The following SHANK2 variants were observed in gnomAD, a reference collection of about 807,000 sequenced individuals.
SHANK2 encodes SH3 and multiple ankyrin repeat domains protein 2.
In SHANK2, 43 loss-of-function variants were observed where a neutral mutation model predicts 133.7. The observed-to-expected ratio is 0.32, with a 90% CI of 0.25 to 0.41. The LOEUF is 0.41. SHANK2 is among the 10% of genes least tolerant of loss of function. The pLI, the probability that SHANK2 is intolerant of heterozygous loss-of-function variation, is 1.00. For missense variants in SHANK2, 1,994 were observed against 2,235.8 expected (o/e 0.89, Z 2.18); for synonymous variants, 1,017 against 952.8 (o/e 1.07, Z -1.24).
chr11:70,801,142 A>C (rs1275227646), intron 13 of SHANK2, among the ~76,000 whole-genome samples: 1 of 152,168 alleles, frequency 6.6e-6, no homozygotes, highest in Non-Finnish European at 1.5e-5. Context: ...CTCCTGCCTG[A>C]CTTTCCTTCC....
intron 14 of SHANK2, among the ~76,000 whole-genome samples, chr11:70,742,079 A>T (rs578091614): frequency 6.6e-6 from 1 of 152,306 alleles, no homozygotes; most frequent in South Asian, 2.1e-4. Context: ...AAGGCAAAAC[A>T]TTAGATACAC....
chr11:71,214,755 G>A (rs1351265349), intron 2 of SHANK2, among the ~76,000 whole-genome samples: 2 of 152,128 alleles, frequency 1.3e-5, no homozygotes, highest in Admixed American at 6.5e-5. Context: ...GTGGGGTATC[G>A]CGCAGTTCTG....
chr11:70,849,794 T>A (rs1251784417), intron 11 of SHANK2, among the ~76,000 whole-genome samples: 2 of 152,150 alleles, frequency 1.3e-5, no homozygotes, highest in Non-Finnish European at 2.9e-5. Flanking sequence ...GGGTCCATGA[T>A]CTCCCTACGT....
rs2058598356 is a variant in SHANK2 at position 70,471,534 on chromosome 11, C to T, written c.*1335G>A. 2.5e-6 allele frequency: 1 copy of T among 397,526 alleles called. No homozygotes were observed. Among genetic ancestry groups the T allele is most frequent in the Middle Eastern group, 6.3e-4 (1 of 1,586 alleles). The allele number at this position is 397,526 out of a possible 1,614,324, so 24.6% of individuals were successfully genotyped here. On this transcript the variant is annotated 3_prime_UTR_variant, in exon 26 of 26. Coordinates refer to ENST00000601538, the MANE Select transcript of SHANK2 (RefSeq NM_012309.5). The surrounding 1 kb of genome is among the most constrained non-coding windows in gnomAD (Gnocchi z 4.1). ...GAGGCTGACCTGGCAGCCCAGGAGA[C>T]CTCCCTGCTTTCCTCTCCTCACGCC...
chr11:70,854,833 C>G (rs1555066520), intron 11 of SHANK2, among the ~76,000 whole-genome samples: 1 of 152,242 alleles, frequency 6.6e-6, no homozygotes, highest in East Asian at 1.9e-4. Flanking sequence ...GGGTCCTGGA[C>G]AAGCCCTCTG....
chr11:70,785,643 CTCT>C (rs776182173), intron 14 of SHANK2, among the ~76,000 whole-genome samples: 38 of 152,186 alleles, frequency 2.5e-4, no homozygotes, highest in Non-Finnish European at 4.3e-4. Flanking sequence ...GAAGGGAGGT[CTCT>C]AGAGGGTGTT....
Position 71,075,719 on chromosome 11 carries a change from C to T in SHANK2, c.913-444G>A, listed in dbSNP as rs964749509. 2.6e-3 allele frequency among the ~76,000 whole-genome samples: 400 copies of T among 152,322 alleles called. 4 individuals carry two copies. The highest frequency in any genetic ancestry group is 8.8e-3 in the African/African-American group (366 of 41,570). The stretch of plus-strand genomic sequence containing the variant: ...GGCAGCACAAAATGGCCAGGAGAGG[C>T]CTTCACAGCCCTGCACTGCATCCAC... On this transcript the variant is annotated intron_variant, in intron 8 of 25. Transcript: ENST00000601538.
chr11:71,227,163 C>G (rs964995011), intron 1 of SHANK2, among the ~76,000 whole-genome samples: 5 of 151,696 alleles, frequency 3.3e-5, no homozygotes, highest in African/African-American at 1.2e-4. Flanking sequence ...TTCAAATAAC[C>G]CACAAGAAGG....
intron 3 of SHANK2, among the ~76,000 whole-genome samples, chr11:71,142,545 A>G (rs1303867626): frequency 6.6e-6 from 1 of 152,160 alleles, no homozygotes; most frequent in Non-Finnish European, 1.5e-5. Context: ...AAACAAGCAG[A>G]AAAATGCCAA....
intron 15 of SHANK2, among the ~76,000 whole-genome samples, chr11:70,696,188 G>A (rs1237250599): frequency 6.6e-6 from 1 of 152,144 alleles, no homozygotes; most frequent in African/African-American, 2.4e-5. Context: ...ACTACCTCCT[G>A]AGGCAGCCTG....
intron 4 of SHANK2, among the ~76,000 whole-genome samples, chr11:71,115,354 A>G (rs895841253): frequency 2.6e-5 from 4 of 152,110 alleles, no homozygotes; most frequent in Non-Finnish European, 5.9e-5. Context: ...CTGTAATCCT[A>G]GCTATTCAGG....
At chr11:70,640,543 A>G (rs187241609) in intron 17 of SHANK2, among the ~76,000 whole-genome samples, 2 of 152,352 alleles carry the variant, frequency 1.3e-5, no homozygotes, top group Admixed American at 1.3e-4. Context: ...GTCATTTGTG[A>G]CAGCGGCCTC....
intron 15 of SHANK2, among the ~76,000 whole-genome samples, chr11:70,678,838 G>T (rs2134372019): frequency 6.6e-6 from 1 of 152,272 alleles, no homozygotes; most frequent in South Asian, 2.1e-4. Flanking sequence ...ACTGCGCCCA[G>T]CCCAGAACTG....
At chr11:70,795,822 C>T (rs1947897897) in intron 14 of SHANK2, among the ~76,000 whole-genome samples, 1 of 152,194 alleles carries the variant, frequency 6.6e-6, no homozygotes, top group Admixed American at 6.5e-5. Flanking sequence ...AGGAAGGGGC[C>T]ATGAGCCAAG....
rs528520629 is a variant in SHANK2 at position 71,116,457 on chromosome 11, C to T, written c.411+2372G>A. 2.6e-5 allele frequency among the ~76,000 whole-genome samples: 4 copies of T among 152,298 alleles called. No individual in the cohort carries two copies. The South Asian group carries it at 8.3e-4, about 32-fold the overall frequency. On this transcript the variant is annotated intron_variant, in intron 4 of 25. Transcript: ENST00000601538. ...AGGTAGGGACAGGGGTCGTGCATCA[C>T]GTGGAAATGTGTAGGGCTGCCCCGT...
chr11:70,850,065 C>T (rs891454461), intron 11 of SHANK2, among the ~76,000 whole-genome samples: 3 of 152,146 alleles, frequency 2.0e-5, no homozygotes, highest in Admixed American at 6.5e-5. Context: ...TCTGACGACT[C>T]TAGGGACCTC....
At chr11:71,143,117 C>T (rs1370687792) in intron 3 of SHANK2, among the ~76,000 whole-genome samples, 2 of 152,152 alleles carry the variant, frequency 1.3e-5, no homozygotes, top group Non-Finnish European at 2.9e-5. Context: ...CGCCTGAAAT[C>T]CCAGCAACTT....
At chr11:70,596,858 C>T (rs1591628167) in intron 17 of SHANK2, among the ~76,000 whole-genome samples, 1 of 152,146 alleles carries the variant, frequency 6.6e-6, no homozygotes, top group African/African-American at 2.4e-5. Context: ...GAGGACAGTG[C>T]GTCGGGCTGT....
At chr11:70,798,238 C>A (rs782276795) in intron 14 of SHANK2, among the ~76,000 whole-genome samples, 5 of 152,200 alleles carry the variant, frequency 3.3e-5, no homozygotes, top group South Asian at 4.1e-4. Flanking sequence ...AGCTTCCACA[C>A]CATCTTGTAA....
Sources: allele counts gnomAD v4.1 joint callset (sites outside exome capture counted in the v4.1 genomes callset), GRCh38; gene constraint gnomAD v4.1.1; non-coding constraint Gnocchi (gnomAD v3.1); transcripts MANE v1.5; gene names NCBI Gene and HGNC (gene_info 2026-07-23, HGNC 2026-07-21).